SH3BP4: variants seen among roughly 807,000 people sequenced by gnomAD.
The protein encoded by SH3BP4 is SH3 domain-binding protein 4.
In SH3BP4, 33 loss-of-function variants were observed where a neutral mutation model predicts 65.5. That is an observed-to-expected ratio of 0.50 (90% confidence interval 0.38 to 0.67). The LOEUF (loss-of-function observed/expected upper bound fraction) is 0.67. SH3BP4 is among the 30% of genes least tolerant of loss of function. The pLI, the probability that SH3BP4 is intolerant of heterozygous loss-of-function variation, is 0.00. For missense variants in SH3BP4, 1,134 were observed against 1,261.4 expected (o/e 0.90, Z 1.53); for synonymous variants, 552 against 545.5 (o/e 1.01, Z -0.17).
chr2:234,993,184 C>T (rs1162610174), intron 1 of SH3BP4, among the ~76,000 whole-genome samples: 3 of 152,176 alleles, frequency 2.0e-5, no homozygotes, highest in Admixed American at 6.5e-5. Context: ...CCCCGGGGGT[C>T]GGTTTCTCGA....
At chr2:235,038,359 T>TA (rs370077536) in intron 3 of SH3BP4, among the ~76,000 whole-genome samples, 16,843 of 21,938 alleles carry the variant, frequency 0.77, 6,639 homozygotes, top group Non-Finnish European at 0.85. Flanking sequence ...TTTATATATA[T>TA]ATATATAATA....
rs1201226050 is a variant in SH3BP4 at position 235,043,208 on chromosome 2, G to C, written c.2439G>C (p.Glu813Asp). ...TGAAGGAGGACTGTAACAACACTGA[G>C]AACAAAGAACGGAAGTCCTTCCAGA... ...EKLKEDCNNT[E>D]NKERKSFQKE... Residue 813 changes from glutamate (E) to aspartate (D), a missense_variant, in exon 4 of 6, where the codon GAG (glutamate) becomes GAC (aspartate). Glu to Asp is a conservative substitution (Grantham distance 45, BLOSUM62 2). Coordinates refer to ENST00000392011, the MANE Select transcript of SH3BP4 (RefSeq NM_014521.3). 6.3e-7 allele frequency: 1 copy of C among 1,592,754 alleles called. No individual in the cohort carries two copies. Among genetic ancestry groups the C allele is most frequent in the Admixed American group, 1.7e-5 (1 of 58,010 alleles).
At chr2:235,051,084 A>G (rs930031602) in intron 4 of SH3BP4, among the ~76,000 whole-genome samples, 1 of 152,162 alleles carries the variant, frequency 6.6e-6, no homozygotes, top group African/African-American at 2.4e-5. Flanking sequence ...GGTGGGGGTG[A>G]GCTGTGCCTT....
chr2:235,030,070 G>C lies in SH3BP4; in HGVS notation c.-132-4801G>C, dbSNP rs915080058. Among the ~76,000 whole-genome samples, 1 of 152,222 alleles carries C rather than the reference G, an allele frequency of 6.6e-6. No individual in the cohort carries two copies. Among genetic ancestry groups the C allele is most frequent in the African/African-American group, 2.4e-5 (1 of 41,450 alleles). ...ATGTAACCCTGGAGGTACAGGTGGA[G>C]ACTGAGTAGTGGGGGTCTTTTCATC... is the stretch of plus-strand genomic sequence containing the variant. On this transcript the variant is annotated intron_variant, in intron 2 of 5. Transcript: ENST00000392011. The surrounding 1 kb of genome is among the most constrained non-coding windows in gnomAD (Gnocchi z 4.1).
intron 2 of SH3BP4, among the ~76,000 whole-genome samples, chr2:235,011,004 C>G (rs186197987): frequency 6.7e-6 from 1 of 148,824 alleles, no homozygotes; most frequent in African/African-American, 2.5e-5. Flanking sequence ...CTCCTAGAAC[C>G]CTTCCTCCCT....
chr2:235,031,211 C>T (rs1695192520), intron 2 of SH3BP4, among the ~76,000 whole-genome samples: 1 of 152,154 alleles, frequency 6.6e-6, no homozygotes, highest in African/African-American at 2.4e-5. Context: ...GCAGAGTCCA[C>T]AGTTGTTGAC....
At chr2:234,986,386 C>T (rs1693560413) in intron 1 of SH3BP4, among the ~76,000 whole-genome samples, 1 of 152,250 alleles carries the variant, frequency 6.6e-6, no homozygotes, top group South Asian at 2.1e-4. Flanking sequence ...AAAACTCTTT[C>T]AAGACTCCGT....
At position 235,042,776 on chromosome 2, in the gene SH3BP4, C is replaced by A. The variant is rs1486835091; in HGVS notation, c.2007C>A (p.Asn669Lys). Residue 669 changes from asparagine to lysine, a missense_variant, in exon 4 of 6, where the codon AAC becomes AAA. Transcript: ENST00000392011. This position sits in a 1 kb window ranked among gnomAD's most constrained non-coding sequence, Gnocchi z 7.3. ...GKLLKTVVRQNKNHYLLEYKK... is the reference protein window; with the variant it reads ...GKLLKTVVRQKKNHYLLEYKK... ...TGCTCAAGACTGTGGTGCGGCAGAA[C>A]AAGAACCACTACCTGCTGGAGTACA... 2 of 1,614,046 alleles carry A rather than the reference C, an allele frequency of 1.2e-6. No homozygotes were observed.
At chr2:235,001,514 C>G (rs749990805) in intron 2 of SH3BP4, among the ~76,000 whole-genome samples, 2 of 152,186 alleles carry the variant, frequency 1.3e-5, no homozygotes, top group African/African-American at 2.4e-5. Flanking sequence ...CTCTCCTTCC[C>G]TTTATTTAGC....
At chr2:234,965,439 T>C (rs1354241833) in intron 1 of SH3BP4, among the ~76,000 whole-genome samples, 1 of 152,232 alleles carries the variant, frequency 6.6e-6, no homozygotes, top group Non-Finnish European at 1.5e-5. Flanking sequence ...CCAGAGAGAC[T>C]TCTGTGTTGA....
chr2:235,030,752 G>A lies in SH3BP4; in HGVS notation c.-132-4119G>A, dbSNP rs960600337. Among the ~76,000 whole-genome samples, 3 of 152,144 alleles carry A rather than the reference G, an allele frequency of 2.0e-5. No individual in the cohort carries two copies. The highest frequency in any genetic ancestry group is 2.9e-5 in the Non-Finnish European group (2 of 68,016). On this transcript the variant is annotated intron_variant, in intron 2 of 5. Transcript: ENST00000392011. The surrounding 1 kb of genome is among the most constrained non-coding windows in gnomAD (Gnocchi z 4.1). ...GGATGCTGGCTGCATTCTCCATCCC[G>A]TGCCAGCCCCCTGTAGATGCAGTGG...
At chr2:234,966,636 G>A (rs1487821907) in intron 1 of SH3BP4, among the ~76,000 whole-genome samples, 1 of 152,212 alleles carries the variant, frequency 6.6e-6, no homozygotes, top group Non-Finnish European at 1.5e-5. Context: ...GGGAATTGGA[G>A]ACACAAGGCA....
chr2:235,042,453 T>G lies in SH3BP4; in HGVS notation c.1684T>G (p.Phe562Val). The G allele has an allele frequency of 6.2e-7, 1 of 1,614,118 alleles. No individual in the cohort carries two copies. Among genetic ancestry groups the G allele is most frequent in the South Asian group, 1.1e-5 (1 of 91,080 alleles). ...CGAGCAGGCCAAAGTGGTGCGAGGA[T>G]TCCAGCTGAAGCTGGGCAAGGTGAG... Reference protein sequence around the residue: ...ASEQAKVVRGFQLKLGKVSRL... With the variant: ...ASEQAKVVRGVQLKLGKVSRL... Residue 562 changes from phenylalanine (F) to valine (V), a missense_variant, in exon 4 of 6, where the codon TTC (phenylalanine) becomes GTC (valine). Transcript: ENST00000392011. This position sits in a 1 kb window ranked among gnomAD's most constrained non-coding sequence, Gnocchi z 7.3.
chr2:234,962,834 T>G (rs144840610), intron 1 of SH3BP4, among the ~76,000 whole-genome samples: 3,042 of 152,202 alleles, frequency 0.02, 109 homozygotes, highest in African/African-American at 0.068. Flanking sequence ...CAAGCGATTC[T>G]CCCGCCTCAG....
At chr2:235,006,522 C>G (rs2106289723) in intron 2 of SH3BP4, among the ~76,000 whole-genome samples, 1 of 152,280 alleles carries the variant, frequency 6.6e-6, no homozygotes, top group Middle Eastern at 3.4e-3. Context: ...GGCGGGACCA[C>G]AGGACTCTCA....
In SH3BP4 at chr2:235,055,593, T is replaced by C. The variant is rs558439019; in HGVS notation, c.*1777T>C. 2.0e-5 allele frequency: 3 copies of C among 152,800 alleles called. No homozygotes were observed. Among genetic ancestry groups the C allele is most frequent in the Admixed American group, 6.5e-5 (1 of 15,306 alleles). The allele number at this position is 152,800 out of a possible 1,614,324, so 9.5% of individuals were successfully genotyped here. On this transcript the variant is annotated 3_prime_UTR_variant, in exon 6 of 6. Transcript: ENST00000392011. The stretch of plus-strand genomic sequence containing the variant: ...AAATAGTTTCCTATGCAACGTGTCT[T>C]GTAGCACAAATAAAATTCTACAAAA...
chr2:235,037,115 G>A (rs1233982501), intron 3 of SH3BP4, among the ~76,000 whole-genome samples: 1 of 152,196 alleles, frequency 6.6e-6, no homozygotes. Flanking sequence ...TAGGCAGACG[G>A]ATAGGAAATG....
At chr2:234,994,393 C>G (rs1418316034) in intron 1 of SH3BP4, 1 of 152,222 alleles carries the variant, frequency 6.6e-6, no homozygotes, top group Admixed American at 6.5e-5. Context: ...GGGAAGGTGT[C>G]CAGAAGGAAG....
At chr2:234,981,987 G>T (rs553245398) in intron 1 of SH3BP4, among the ~76,000 whole-genome samples, 33 of 152,308 alleles carry the variant, frequency 2.2e-4, no homozygotes, top group African/African-American at 7.5e-4. Context: ...CGCCTCCTGA[G>T]GCTGGGCTTT....
Sources: gnomAD v4.1 joint callset for allele counts (sites outside exome capture counted in the v4.1 genomes callset) on GRCh38, gnomAD v4.1.1 for gene constraint, Gnocchi (gnomAD v3.1) non-coding constraint, MANE v1.5 for transcripts, NCBI Gene and HGNC (gene_info 2026-07-23, HGNC 2026-07-21) for gene names.